The following RALYL variants were observed in gnomAD, a reference collection of about 807,000 sequenced individuals.
RALYL encodes RALY RNA binding protein like.
Under a neutral mutation model 35.1 loss-of-function variants are expected in RALYL, and 29 were observed. That is an observed-to-expected ratio of 0.83 (90% CI 0.61 to 1.13). The LOEUF (loss-of-function observed/expected upper bound fraction) is 1.13. RALYL is among the 50% of genes most tolerant of loss of function. The probability of loss-of-function intolerance (pLI) is 0.00; values close to 1 mark genes in which losing one functional copy is unlikely to be tolerated. For missense variants in RALYL, 359 were observed against 360.4 expected, an observed-to-expected ratio of 1.00 and a Z score of 0.03; for synonymous variants, 120 against 127.6, an observed-to-expected ratio of 0.94 and a Z score of 0.40.
At chr8:84,826,045 T>C (rs1829608601) in intron 4 of RALYL, among the ~76,000 whole-genome samples, 1 of 151,904 alleles carries the variant, frequency 6.6e-6, no homozygotes, top group South Asian at 2.1e-4. Flanking sequence ...AGTGAATTAA[T>C]GCAGGAACAA....
chr8:84,217,143 C>G (rs1429052358), intron 1 of RALYL, among the ~76,000 whole-genome samples: 1 of 152,086 alleles, frequency 6.6e-6, no homozygotes, highest in Non-Finnish European at 1.5e-5. Context: ...GTAAATCTTA[C>G]CCTCAGTAGG....
chr8:84,843,849 C>G (rs945004983), intron 4 of RALYL, among the ~76,000 whole-genome samples: 8 of 152,242 alleles, frequency 5.3e-5, no homozygotes, highest in East Asian at 1.9e-4. Context: ...ACAAACCTGA[C>G]AAAAACAAGC....
At chr8:84,704,129 T>C (rs921063280) in intron 2 of RALYL, among the ~76,000 whole-genome samples, 2 of 152,150 alleles carry the variant, frequency 1.3e-5, no homozygotes, top group African/African-American at 4.8e-5. Flanking sequence ...ACTTGTTTAT[T>C]AAAATTTATT....
At chr8:84,678,417 C>T (rs1196139642) in intron 2 of RALYL, among the ~76,000 whole-genome samples, 1 of 151,982 alleles carries the variant, frequency 6.6e-6, no homozygotes, top group Non-Finnish European at 1.5e-5. Flanking sequence ...GTATGCACCA[C>T]CACACCCGGA....
At chr8:84,448,485 T>C (rs772760167) in intron 1 of RALYL, among the ~76,000 whole-genome samples, 1 of 151,968 alleles carries the variant, frequency 6.6e-6, no homozygotes, top group Non-Finnish European at 1.5e-5. Flanking sequence ...CCCGCCCCCA[T>C]ATAGTGCACC....
chr8:84,551,737 C>A (rs1379457917), intron 2 of RALYL, among the ~76,000 whole-genome samples: 1 of 152,030 alleles, frequency 6.6e-6, no homozygotes, highest in Non-Finnish European at 1.5e-5. Flanking sequence ...CAGAGAGCCA[C>A]GTATAATTTA....
At chr8:84,402,694 C>T (rs1298629422) in intron 1 of RALYL, among the ~76,000 whole-genome samples, 2 of 152,150 alleles carry the variant, frequency 1.3e-5, no homozygotes, top group Non-Finnish European at 2.9e-5. Context: ...ATTTCCAATC[C>T]TTACCTCTAG....
At chr8:84,499,915 C>T (rs567488099) in intron 1 of RALYL, among the ~76,000 whole-genome samples, 2 of 152,068 alleles carry the variant, frequency 1.3e-5, no homozygotes, top group East Asian at 1.9e-4. Context: ...CCACCATGCC[C>T]GACCAATTTT....
intron 1 of RALYL, among the ~76,000 whole-genome samples, chr8:84,210,683 C>T (rs534384387): frequency 7.9e-5 from 12 of 152,082 alleles, no homozygotes; most frequent in Non-Finnish European, 8.8e-5. Context: ...TCACGAGCCA[C>T]GGAAAGCTTA....
chr8:84,907,681 G>A (rs1846762280), intron 8 of RALYL, among the ~76,000 whole-genome samples: 1 of 151,596 alleles, frequency 6.6e-6, no homozygotes, highest in South Asian at 2.1e-4. Flanking sequence ...GTACCCTTTT[G>A]GTTTGTGCCA....
intron 2 of RALYL, among the ~76,000 whole-genome samples, chr8:84,657,260 G>T (rs751894917): frequency 6.6e-6 from 1 of 152,106 alleles, no homozygotes; most frequent in Non-Finnish European, 1.5e-5. Flanking sequence ...ACTGTGTCTG[G>T]TATGTAGTAG....
At chr8:84,505,347 A>G (rs2057074456) in intron 1 of RALYL, among the ~76,000 whole-genome samples, 1 of 152,198 alleles carries the variant, frequency 6.6e-6, no homozygotes, top group Admixed American at 6.6e-5. Flanking sequence ...CAAGATAAAC[A>G]AATACTCAGT....
At chr8:84,705,939 T>C in intron 2 of RALYL, 1 of 1,520,682 alleles carries the variant, frequency 6.6e-7, no homozygotes, top group East Asian at 2.5e-5. Context: ...TGAGCAACAG[T>C]CTTACTGCAA....
intron 1 of RALYL, among the ~76,000 whole-genome samples, chr8:84,496,287 G>T (rs917129709): frequency 4.6e-5 from 7 of 152,108 alleles, no homozygotes; most frequent in Admixed American, 1.3e-4. Flanking sequence ...AATAAGCAAG[G>T]TAGTTAAATA....
At chr8:84,581,700 A>G (rs1290580604) in intron 2 of RALYL, among the ~76,000 whole-genome samples, 2 of 152,130 alleles carry the variant, frequency 1.3e-5, no homozygotes, top group Non-Finnish European at 2.9e-5. Flanking sequence ...AATGTAGGTA[A>G]TAATAGTATA....
chr8:84,231,118 A>T (rs1012412509), intron 1 of RALYL, among the ~76,000 whole-genome samples: 7 of 152,230 alleles, frequency 4.6e-5, no homozygotes, highest in Non-Finnish European at 8.8e-5. Context: ...AGGCATAAGA[A>T]CATAGTCAGC....
intron 1 of RALYL, among the ~76,000 whole-genome samples, chr8:84,285,228 A>G (rs1837362956): frequency 6.6e-6 from 1 of 152,234 alleles, no homozygotes. Context: ...ACTTAAAATA[A>G]CTATAAAGAT....
intron 1 of RALYL, among the ~76,000 whole-genome samples, chr8:84,378,182 C>T (rs1857294345): frequency 6.6e-6 from 1 of 151,860 alleles, no homozygotes; most frequent in South Asian, 2.1e-4. Context: ...TCCGTTTATG[C>T]CTTCTTAATT....
At chr8:84,696,864 G>A (rs1839248513) in intron 2 of RALYL, among the ~76,000 whole-genome samples, 1 of 151,936 alleles carries the variant, frequency 6.6e-6, no homozygotes, top group South Asian at 2.1e-4. Flanking sequence ...CATATAAGAG[G>A]TCAAAGAATA....
Sources: allele counts gnomAD v4.1 joint callset (sites outside exome capture counted in the v4.1 genomes callset), GRCh38; gene constraint gnomAD v4.1.1; transcripts MANE v1.5; gene names NCBI Gene and HGNC (gene_info 2026-07-23, HGNC 2026-07-21).